The following NACC2 variants were observed in gnomAD, a reference collection of about 807,000 sequenced individuals.
NACC2 encodes nucleus accumbens-associated protein 2.
Under a neutral mutation model 25.1 loss-of-function variants are expected in NACC2, and 8 were observed. The observed-to-expected ratio is 0.32, with a 90% CI of 0.19 to 0.57. The LOEUF (loss-of-function observed/expected upper bound fraction) is 0.57, where lower values mean the gene tolerates loss of function less well. Ranked by LOEUF, NACC2 falls within the 20% of genes least tolerant of loss-of-function variation. NACC2 has a pLI of 0.89. For synonymous variants in NACC2, 435 were observed against 294.7 expected (o/e 1.48, Z -4.88); for missense variants, 644 against 650.2 (o/e 0.99, Z 0.10).
At chr9:136,030,270 G>A (rs1241107450) in intron 2 of NACC2, among the ~76,000 whole-genome samples, 1 of 152,144 alleles carries the variant, frequency 6.6e-6, no homozygotes, top group Non-Finnish European at 1.5e-5. Context: ...ATCTGCCATA[G>A]TCAGAGGAGG....
intron 1 of NACC2, among the ~76,000 whole-genome samples, chr9:136,053,438 C>A (rs906300642): frequency 6.6e-6 from 1 of 152,132 alleles, no homozygotes; most frequent in African/African-American, 2.4e-5. Context: ...CGTCCCCACT[C>A]GGCCATGCTG....
chr9:136,083,358 TG>T (rs11301582), intron 1 of NACC2, among the ~76,000 whole-genome samples: 31,858 of 152,054 alleles, frequency 0.21, 3,916 homozygotes, highest in East Asian at 0.42. Context: ...CAGGCTGGGT[TG>T]GGGGGGAGGC....
chr9:136,081,601 G>A (rs1564242833), intron 1 of NACC2, among the ~76,000 whole-genome samples: 1 of 152,228 alleles, frequency 6.6e-6, no homozygotes, highest in Non-Finnish European at 1.5e-5. Flanking sequence ...GCTGGGTTTT[G>A]GTGTAATTAT....
chr9:136,006,906 AT>A lies in NACC2; in HGVS notation c.*4609del, dbSNP rs375488431. The A allele has an allele frequency of 2.6e-5, 4 of 152,376 alleles. No individual in the cohort carries two copies. The highest frequency in any genetic ancestry group is 9.7e-5 in the African/African-American group (4 of 41,398). 9.4% of individuals were successfully genotyped at this position (152,376 alleles called of 1,614,324 possible). A position where few individuals can be genotyped will look rare whatever the true frequency, so the allele number is the denominator to read the frequency against. ...CTTCCTTTACAGCACAGGAAAATTT[AT>A]TTTTTAACAGTCGTGAGTTACAGTA... On this transcript the variant is annotated 3_prime_UTR_variant, in exon 6 of 6. Transcript: ENST00000277554.
intron 1 of NACC2, among the ~76,000 whole-genome samples, chr9:136,064,140 T>C (rs1051715161): frequency 6.6e-6 from 1 of 151,828 alleles, no homozygotes; most frequent in Non-Finnish European, 1.5e-5. Context: ...AATTCAAACA[T>C]GAGCTGGGCG....
At chr9:136,094,689 G>A (rs1277540060) in intron 1 of NACC2, among the ~76,000 whole-genome samples, 1 of 152,034 alleles carries the variant, frequency 6.6e-6, no homozygotes. Flanking sequence ...GGGAGGGCGA[G>A]GCGCGGGCCC....
At chr9:136,042,084 G>A (rs1304910107) in intron 2 of NACC2, among the ~76,000 whole-genome samples, 5 of 152,102 alleles carry the variant, frequency 3.3e-5, no homozygotes, top group Non-Finnish European at 5.9e-5. Flanking sequence ...CACCTCCTGG[G>A]TTCAAGGGAT....
intron 2 of NACC2, among the ~76,000 whole-genome samples, chr9:136,040,553 T>C (rs1840612747): frequency 6.6e-6 from 1 of 152,064 alleles, no homozygotes; most frequent in African/African-American, 2.4e-5. Context: ...TGTACCTAAA[T>C]GCTCACAGCC....
chr9:136,065,768 T>C (rs1758559835), intron 1 of NACC2, among the ~76,000 whole-genome samples: 1 of 150,964 alleles, frequency 6.6e-6, no homozygotes, highest in African/African-American at 2.4e-5. Flanking sequence ...GGAGCCGTGA[T>C]CACGCCACTG....
At chr9:136,053,136 C>T (rs1308835668) in intron 1 of NACC2, among the ~76,000 whole-genome samples, 1 of 152,218 alleles carries the variant, frequency 6.6e-6, no homozygotes, top group East Asian at 1.9e-4. Flanking sequence ...GGAGGAGGCC[C>T]GAACAGGCCT....
At position 136,013,921 on chromosome 9, in the gene NACC2, C is replaced by G. The variant is rs1382475608; in HGVS notation, c.1100G>C (p.Cys367Ser). The G allele has an allele frequency of 1.2e-6, 2 of 1,612,906 alleles. No homozygotes were observed. The highest frequency in any genetic ancestry group is 3.3e-5 in the Admixed American group (2 of 60,018). ...TRGQLMNCHL[C>S]AGVKHKVLLR... ...CAAGACCTTATGCTTCACCCCTGCA[C>G]ACAGGTGGCAGTTCATCAGCTGGCC... The change falls in exon 4 of 6, where the codon TGT (cysteine) becomes TCT (serine). Residue 367 changes from cysteine (C) to serine (S), a missense_variant. Coordinates refer to ENST00000277554, the MANE Select transcript of NACC2 (RefSeq NM_144653.5). This position sits in a 1 kb window ranked among gnomAD's most constrained non-coding sequence, Gnocchi z 6.6.
intron 1 of NACC2, among the ~76,000 whole-genome samples, chr9:136,075,754 C>T (rs72773711): frequency 0.034 from 5,124 of 152,320 alleles, 127 homozygotes; most frequent in Admixed American, 0.053. Flanking sequence ...CACCCAACAC[C>T]CACAGGCCCT....
At chr9:136,074,467 A>AAATTAGCCAGGCATGGTGGG (rs1588580722) in intron 1 of NACC2, among the ~76,000 whole-genome samples, 1 of 144,770 alleles carries the variant, frequency 6.9e-6, no homozygotes. Context: ...AAAAAAAGAA[A>AAATTAGCCAGGCATGGTGGG]AAAGAAGAAA....
At chr9:136,073,017 T>C (rs1830216551) in intron 1 of NACC2, among the ~76,000 whole-genome samples, 1 of 152,092 alleles carries the variant, frequency 6.6e-6, no homozygotes. Flanking sequence ...TTTATCAAAA[T>C]TTAAAAACTT....
intron 1 of NACC2, among the ~76,000 whole-genome samples, chr9:136,071,763 TG>T (rs1265453028): frequency 6.6e-6 from 1 of 152,092 alleles, no homozygotes; most frequent in Non-Finnish European, 1.5e-5. Flanking sequence ...TATGGATCAA[TG>T]GAACAGAATT....
At chr9:136,094,254 G>C (rs940324912) in intron 1 of NACC2, among the ~76,000 whole-genome samples, 1 of 152,204 alleles carries the variant, frequency 6.6e-6, no homozygotes, top group Non-Finnish European at 1.5e-5. Context: ...CGGGGGTTGG[G>C]GGAGGGAGTG....
chr9:136,024,349 G>A (rs897044523), intron 2 of NACC2, among the ~76,000 whole-genome samples: 2 of 145,814 alleles, frequency 1.4e-5, no homozygotes, highest in Admixed American at 6.8e-5. Context: ...TGAGGACAGA[G>A]TGTGTGTGTG....
At chr9:136,049,306 C>T (rs939601835) in intron 2 of NACC2, among the ~76,000 whole-genome samples, 6 of 152,294 alleles carry the variant, frequency 3.9e-5, no homozygotes, top group South Asian at 2.1e-4. Flanking sequence ...CGGGTCCTCC[C>T]GTACACCGCG....
chr9:136,043,673 C>T lies in NACC2; in HGVS notation c.886+5963G>A, dbSNP rs944376389. Among the ~76,000 whole-genome samples the T allele has an allele frequency of 5.9e-5, 9 of 152,140 alleles. No homozygotes were observed. The East Asian group carries it at 9.6e-4, about 16-fold the overall frequency. On this transcript the variant is annotated intron_variant, in intron 2 of 5. Coordinates refer to ENST00000277554, the MANE Select transcript of NACC2 (RefSeq NM_144653.5). ...GTAGGAGGCAGCAGGGTGGTGGTCC[C>T]GTGGGGCCAGGATGGGGTAGACGAC...
Sources: allele counts gnomAD v4.1 joint callset (sites outside exome capture counted in the v4.1 genomes callset), GRCh38; gene constraint gnomAD v4.1.1; non-coding constraint Gnocchi (gnomAD v3.1); transcripts MANE v1.5; gene names NCBI Gene and HGNC (gene_info 2026-07-23, HGNC 2026-07-21).